Variants in PRKCI observed in about 807,000 individuals in gnomAD.
PRKCI encodes protein kinase C iota type.
In PRKCI, 43 loss-of-function variants were observed where a neutral mutation model predicts 84.0. The ratio of observed to expected loss-of-function variants is 0.51; its 90% CI spans 0.40 to 0.66. The LOEUF (loss-of-function observed/expected upper bound fraction) is 0.66, where lower values mean the gene tolerates loss of function less well. Among genes scored for constraint, PRKCI ranks in the 30% least tolerant of loss-of-function variants. The pLI is 0.00. For missense variants in PRKCI, 459 were observed against 745.6 expected (o/e 0.62, Z 4.48); for synonymous variants, 216 against 234.4 (o/e 0.92, Z 0.72).
intron 4 of PRKCI, among the ~76,000 whole-genome samples, chr3:170,264,812 T>C (rs73034391): frequency 0.081 from 12,315 of 152,124 alleles, 1,199 homozygotes; most frequent in African/African-American, 0.23. Context: ...GAAATCTGGA[T>C]ATCTTTGTAT....
chr3:170,290,466 C>G (rs1051923317), intron 12 of PRKCI, among the ~76,000 whole-genome samples: 1 of 151,664 alleles, frequency 6.6e-6, no homozygotes, highest in Non-Finnish European at 1.5e-5. Flanking sequence ...TAATGTCTCT[C>G]TTCCTTCTCC....
intron 2 of PRKCI, among the ~76,000 whole-genome samples, chr3:170,238,119 T>C (rs1733026985): frequency 6.6e-6 from 1 of 152,114 alleles, no homozygotes; most frequent in African/African-American, 2.4e-5. Flanking sequence ...TCCCAGCATT[T>C]TGGGAGGCCG....
chr3:170,251,286 A>G (rs896022156), intron 2 of PRKCI, among the ~76,000 whole-genome samples: 1 of 152,202 alleles, frequency 6.6e-6, no homozygotes, highest in Non-Finnish European at 1.5e-5. Context: ...TCTGACAAAA[A>G]TTTCATCAGG....
intron 14 of PRKCI, among the ~76,000 whole-genome samples, chr3:170,294,997 G>T (rs1446666981): frequency 6.7e-6 from 1 of 149,644 alleles, no homozygotes; most frequent in Non-Finnish European, 1.5e-5. Flanking sequence ...ATCACTTGAG[G>T]TTAGGAGTTT....
In PRKCI at chr3:170,272,774, C is replaced by T. The variant is rs555428317; in HGVS notation, c.592-512C>T. Among the ~76,000 whole-genome samples, 8 of 152,192 alleles carry T rather than the reference C, an allele frequency of 5.3e-5. No individual in the cohort carries two copies. The South Asian group carries it at 6.2e-4, about 12-fold the overall frequency. On this transcript the variant is annotated intron_variant, in intron 6 of 17. Coordinates refer to ENST00000295797, the MANE Select transcript of PRKCI (RefSeq NM_002740.6). ...AATTTACCTTTTTCCTGAGATTATT[C>T]GCCATTATTTGGGTAAGTTGGATTC...
Position 170,304,208 on chromosome 3 carries a change from A to C in PRKCI, c.*1081A>C, listed in dbSNP as rs1221999628. The C allele has an allele frequency of 6.6e-6, 1 of 152,180 alleles. No individual in the cohort carries two copies. Among genetic ancestry groups the C allele is most frequent in the Non-Finnish European group, 1.5e-5 (1 of 68,034 alleles). The allele number at this position is 152,180 out of a possible 1,614,324, so 9.4% of individuals were successfully genotyped here. A position where few individuals can be genotyped will look rare whatever the true frequency, so the allele number is the denominator to read the frequency against. ...CAAGGATGCAGTTGAATGGAAAATT[A>C]CTCAGTGTATAGAAAGGAAAAAAAC... is the stretch of plus-strand genomic sequence containing the variant. On this transcript the variant is annotated 3_prime_UTR_variant, in exon 18 of 18. Transcript: ENST00000295797.
chr3:170,280,176 T>C (rs759192361), intron 8 of PRKCI, 51 bp from the exon 9 acceptor site: 3 of 1,467,060 alleles, frequency 2.0e-6, no homozygotes, highest in Non-Finnish European at 2.8e-6. Flanking sequence ...AAATATAATG[T>C]ACTACGCAAA....
At chr3:170,239,630 C>T (rs1733069068) in intron 2 of PRKCI, among the ~76,000 whole-genome samples, 1 of 152,092 alleles carries the variant, frequency 6.6e-6, no homozygotes, top group Non-Finnish European at 1.5e-5. Flanking sequence ...TGTCACCTGG[C>T]TGTCTCTCAT....
chr3:170,268,763 A>G (rs1733926009), intron 5 of PRKCI, among the ~76,000 whole-genome samples: 2 of 152,288 alleles, frequency 1.3e-5, no homozygotes, highest in South Asian at 4.1e-4. Context: ...ACAACCCTGT[A>G]AGATAGGTAC....
intron 11 of PRKCI, 82 bp from the exon 12 acceptor site, chr3:170,284,379 A>T: frequency 8.3e-7 from 1 of 1,201,966 alleles, no homozygotes; most frequent in Non-Finnish European, 1.1e-6. Context: ...ATATGTTTTA[A>T]TATGAATTTT....
At position 170,264,189 on chromosome 3, in the gene PRKCI, T is replaced by G. The variant is rs544645775; in HGVS notation, c.364+760T>G. 2.9e-3 allele frequency among the ~76,000 whole-genome samples: 435 copies of G among 152,228 alleles called. 1 individual carries two copies. Among genetic ancestry groups the G allele is most frequent in the African/African-American group, 9.2e-3 (383 of 41,546 alleles). The stretch of plus-strand genomic sequence containing the variant: ...ATTTTTTTTTTTTTGGTTATACCAC[T>G]TGAGACTGACATGACACTCAGCACA... On this transcript the variant is annotated intron_variant, in intron 4 of 17. Transcript: ENST00000295797.
At chr3:170,269,399 T>C (rs1733946253) in intron 5 of PRKCI, among the ~76,000 whole-genome samples, 5 of 152,322 alleles carry the variant, frequency 3.3e-5, no homozygotes, top group Non-Finnish European at 7.3e-5. Flanking sequence ...CAATGGCACA[T>C]GCCTGTAATC....
At chr3:170,293,575 T>G in intron 14 of PRKCI, 67 bp downstream of exon 14, 9 of 1,500,138 alleles carry the variant, frequency 6.0e-6, no homozygotes, top group Non-Finnish European at 7.3e-6. Flanking sequence ...TGAGAGTGAT[T>G]CAGGTTACTA....
At chr3:170,278,292 CCTT>C (rs1734166883) in intron 8 of PRKCI, among the ~76,000 whole-genome samples, 1 of 152,202 alleles carries the variant, frequency 6.6e-6, no homozygotes, top group African/African-American at 2.4e-5. Context: ...TCTTTCTTAA[CCTT>C]CTCAAACCTG....
intron 14 of PRKCI, among the ~76,000 whole-genome samples, chr3:170,295,067 C>T (rs150483293): frequency 2.3e-4 from 35 of 151,058 alleles, no homozygotes; most frequent in Admixed American, 1.1e-3. Context: ...AAAAAATTAG[C>T]TGGGCGTCGT....
intron 12 of PRKCI, among the ~76,000 whole-genome samples, chr3:170,287,908 CAAAAAAAAAAA>C (rs750366555): frequency 5.9e-5 from 3 of 50,550 alleles, no homozygotes; most frequent in East Asian, 1.0e-3. Context: ...GACTCTGTCT[CAAAAAAAAAAA>C]AAAAAAAAAA....
chr3:170,282,947 A>T (rs539185937), intron 11 of PRKCI, among the ~76,000 whole-genome samples: 2 of 151,962 alleles, frequency 1.3e-5, no homozygotes, highest in East Asian at 3.9e-4. Flanking sequence ...TCTACTAAAA[A>T]TATAAAAATT....
intron 13 of PRKCI, among the ~76,000 whole-genome samples, chr3:170,292,343 G>T (rs1409075806): frequency 6.6e-6 from 1 of 152,156 alleles, no homozygotes; most frequent in Non-Finnish European, 1.5e-5. Flanking sequence ...GCACCCATGT[G>T]ACTCCAGAGT....
intron 11 of PRKCI, among the ~76,000 whole-genome samples, chr3:170,282,770 T>TG (rs1734282322): frequency 6.6e-6 from 1 of 151,752 alleles, no homozygotes; most frequent in African/African-American, 2.4e-5. Flanking sequence ...TATTGTTCTT[T>TG]GGCTTTTTTT....
Sources: gnomAD v4.1 joint callset for allele counts (sites outside exome capture counted in the v4.1 genomes callset) on GRCh38, gnomAD v4.1.1 for gene constraint, MANE v1.5 for transcripts, NCBI Gene and HGNC (gene_info 2026-07-23, HGNC 2026-07-21) for gene names.